Variants in TAS2R1 observed in about 807,000 individuals in gnomAD.
TAS2R1 encodes the protein taste 2 receptor member 1.
For synonymous variants in TAS2R1, 141 were observed against 134.2 expected (o/e 1.05, Z -0.35); for missense variants, 370 against 353.4 (o/e 1.05, Z -0.38).
At chr5:9,764,684 T>C in the TAS2R1 span, among the ~76,000 whole-genome samples, 1 of 152,194 alleles carries the variant, frequency 6.6e-6, no homozygotes, top group African/African-American at 2.4e-5. Context: ...CTCTGTCCTA[T>C]AGCAGAGAAG....
the TAS2R1 span, among the ~76,000 whole-genome samples, chr5:9,749,257 T>C: frequency 5.3e-5 from 8 of 152,318 alleles, no homozygotes; most frequent in African/African-American, 1.9e-4. Flanking sequence ...CCTCGTAGAA[T>C]GTGATGTCAA....
the TAS2R1 span, chr5:9,863,101 G>T: frequency 6.6e-6 from 1 of 151,972 alleles, no homozygotes; most frequent in Non-Finnish European, 1.5e-5. Context: ...TGGAAACAAT[G>T]AACCATTTTC....
At chr5:9,762,463 T>C in the TAS2R1 span, among the ~76,000 whole-genome samples, 1 of 152,248 alleles carries the variant, frequency 6.6e-6, no homozygotes, top group Admixed American at 6.5e-5. Flanking sequence ...CACGAAAATG[T>C]ATCACTGGTA....
chr5:9,829,691 G>A, the TAS2R1 span, among the ~76,000 whole-genome samples: 2 of 152,152 alleles, frequency 1.3e-5, no homozygotes, highest in Non-Finnish European at 2.9e-5. Flanking sequence ...CTTAAGCCAT[G>A]GGCCCAGGAG....
At chr5:9,742,021 G>A in the TAS2R1 span, among the ~76,000 whole-genome samples, 1,847 of 151,896 alleles carry the variant, frequency 0.012, 21 homozygotes, top group Admixed American at 0.025. Flanking sequence ...TCAGCCTCCC[G>A]AATATCTGGG....
chr5:9,715,979 A>T (rs552977446), upstream of TAS2R1, among the ~76,000 whole-genome samples: 1 of 152,310 alleles, frequency 6.6e-6, no homozygotes, highest in South Asian at 2.1e-4. Context: ...GAGCCTCCAA[A>T]TGGAGTGACA....
chr5:9,867,679 G>A, the TAS2R1 span, among the ~76,000 whole-genome samples: 52 of 152,016 alleles, frequency 3.4e-4, no homozygotes, highest in African/African-American at 1.0e-3. Context: ...CTCACATTTC[G>A]AAACCAATCA....
the TAS2R1 span, among the ~76,000 whole-genome samples, chr5:9,751,191 T>C: frequency 3.3e-5 from 5 of 151,532 alleles, no homozygotes; most frequent in East Asian, 5.8e-4. Flanking sequence ...TGTTACAAAA[T>C]TGGAAATATA....
At chr5:9,685,765 T>C (rs1741111906) in intron 1 of TAS2R1, among the ~76,000 whole-genome samples, 1 of 152,256 alleles carries the variant, frequency 6.6e-6, no homozygotes, top group South Asian at 2.1e-4. Flanking sequence ...TACCTATTTT[T>C]TTAAGTACAG....
rs115815829 is a variant in TAS2R1, at chr5:9,629,393, C to T, written c.640G>A (p.Gly214Ser). 9.3e-6 allele frequency: 15 copies of T among 1,613,962 alleles called. No individual in the cohort carries two copies. The highest frequency in any genetic ancestry group is 2.2e-5 in the East Asian group (1 of 44,876). Residue 214 changes from glycine to serine, a missense_variant, in exon 1 of 1, where the codon GGC (glycine) becomes AGC (serine). Coordinates refer to ENST00000382492, the MANE Select transcript of TAS2R1 (RefSeq NM_019599.3). ...GCACCCCTGCCAGGAACCCTGCTGCCGGCCACTGTGTTTCTCATTTGCCGG... is the reference window on the plus strand; with the variant it reads ...GCACCCCTGCCAGGAACCCTGCTGCTGGCCACTGTGTTTCTCATTTGCCGG... The part of the protein sequence containing the change: ...HTRQMRNTVA[G>S]SRVPGRGAPI...
At chr5:9,769,332 G>C in the TAS2R1 span, among the ~76,000 whole-genome samples, 1 of 152,148 alleles carries the variant, frequency 6.6e-6, no homozygotes, top group African/African-American at 2.4e-5. Flanking sequence ...GATGGAAACA[G>C]GTTGCTTGCA....
the TAS2R1 span, among the ~76,000 whole-genome samples, chr5:9,783,880 T>C: frequency 6.6e-6 from 1 of 152,070 alleles, no homozygotes; most frequent in Non-Finnish European, 1.5e-5. Flanking sequence ...AGCACTGGAG[T>C]GTCCAGAGGT....
the TAS2R1 span, among the ~76,000 whole-genome samples, chr5:9,893,444 AGATG>A: frequency 0.017 from 2,556 of 152,230 alleles, 66 homozygotes; most frequent in African/African-American, 0.056. Flanking sequence ...TTCTTCGCTC[AGATG>A]GTTGTTGGTC....
the TAS2R1 span, among the ~76,000 whole-genome samples, chr5:9,863,947 A>G: frequency 2.0e-5 from 3 of 152,118 alleles, no homozygotes; most frequent in Non-Finnish European, 2.9e-5. Context: ...TCCAATAACC[A>G]CCAGAGGATA....
the TAS2R1 span, among the ~76,000 whole-genome samples, chr5:9,799,578 CT>C: frequency 7.9e-5 from 12 of 152,192 alleles, no homozygotes; most frequent in Admixed American, 5.9e-4. Context: ...TCAGCTGTGT[CT>C]TTTCCCACCA....
At position 9,660,545 on chromosome 5, in the gene TAS2R1, G is replaced by A. The variant is rs535685736; in HGVS notation, c.-241-964C>T. Among the ~76,000 whole-genome samples, 18 of 152,214 alleles carry A rather than the reference G, an allele frequency of 1.2e-4. 1 individual carries two copies. The East Asian group carries it at 1.9e-3, about 16-fold the overall frequency. ...GGAAATGAAACCCAATGGCCGCAACGTCCTTAAAACCCATGCATCCAAACA... is the reference window on the plus strand; with the variant it reads ...GGAAATGAAACCCAATGGCCGCAACATCCTTAAAACCCATGCATCCAAACA... On this transcript the variant is annotated intron_variant, in intron 1 of 2. Transcript: ENST00000506620.
At chr5:9,741,574 A>G in the TAS2R1 span, among the ~76,000 whole-genome samples, 1 of 152,202 alleles carries the variant, frequency 6.6e-6, no homozygotes, top group South Asian at 2.1e-4. Flanking sequence ...TGAAATAAAA[A>G]TGAGTGGTTT....
chr5:9,695,137 TTCAA>T (rs1199556587), intron 1 of TAS2R1, among the ~76,000 whole-genome samples: 1 of 152,196 alleles, frequency 6.6e-6, no homozygotes. Context: ...ATTAAAACAA[TTCAA>T]TCACTCATGC....
intron 1 of TAS2R1, among the ~76,000 whole-genome samples, chr5:9,691,043 C>G (rs1741240275): frequency 6.6e-6 from 1 of 152,128 alleles, no homozygotes; most frequent in Admixed American, 6.5e-5. Flanking sequence ...ATGATGGTCC[C>G]CAGAAAGATA....
Sources: gnomAD v4.1 joint callset for allele counts (sites outside exome capture counted in the v4.1 genomes callset) on GRCh38, gnomAD v4.1.1 for gene constraint, MANE v1.5 for transcripts, NCBI Gene and HGNC (gene_info 2026-07-23, HGNC 2026-07-21) for gene names.